Variants in CCZ1 observed in about 807,000 individuals in gnomAD.
CCZ1 encodes CCZ1 vacuolar protein trafficking and biogenesis associated.
In CCZ1, 19 loss-of-function variants were observed where a neutral mutation model predicts 57.8. The ratio of observed to expected loss-of-function variants is 0.33; its 90% CI spans 0.23 to 0.48. The LOEUF is 0.48. CCZ1 is among the 20% of genes least tolerant of loss of function. CCZ1 has a pLI of 0.99. For synonymous variants in CCZ1, 81 were observed against 167.0 expected (o/e 0.49, Z 3.97); for missense variants, 200 against 492.0 (o/e 0.41, Z 5.61).
At chr7:5,905,444 G>A (rs1385647158) in intron 7 of CCZ1, among the ~76,000 whole-genome samples, 175 bp downstream of exon 7, 1 of 144,392 alleles carries the variant, frequency 6.9e-6, no homozygotes, top group Non-Finnish European at 1.5e-5. Context: ...GAACTAGGGT[G>A]ATTTGGGTTC....
rs1554282244 is a variant in CCZ1 at position 5,910,706 on chromosome 7, T to TTTTATTTA, written c.780+629_780+636dup. On this transcript the variant is annotated intron_variant, in intron 8 of 14. Coordinates refer to ENST00000325974, the MANE Select transcript of CCZ1 (RefSeq NM_015622.6). ...CTTTACTTTTAATTTATGTATTTTA[T>TTTTATTTA]TTTATTTATTTATTTATTTATTTAT... Among the ~76,000 whole-genome samples the TTTTATTTA allele has an allele frequency of 5.7e-4, 70 of 123,714 alleles. 5 individuals are homozygous for TTTTATTTA. Among genetic ancestry groups the TTTTATTTA allele is most frequent in the East Asian group, 7.6e-4 (3 of 3,952 alleles). 81.2% of individuals were successfully genotyped at this position (123,714 alleles called of 152,430 possible).
At chr7:5,902,882 C>T (rs1781715820) in intron 6 of CCZ1, 138 bp downstream of exon 6, 4 of 1,122,992 alleles carry the variant, frequency 3.6e-6, no homozygotes, top group Non-Finnish European at 4.8e-6. Flanking sequence ...CAGACCGTCG[C>T]AAAACTGGAG....
intron 8 of CCZ1, 72 bp downstream of exon 8, chr7:5,910,188 G>C (rs1345816762): frequency 7.9e-7 from 1 of 1,270,458 alleles, no homozygotes; most frequent in Non-Finnish European, 1.1e-6. Context: ...TGAGATGGTG[G>C]TGCATGGGGG....
chr7:5,905,181 T>A lies in CCZ1; in HGVS notation c.610T>A (p.Leu204Met), dbSNP rs778126834. The change falls in exon 7 of 15, where the codon TTG becomes ATG. Residue 204 changes from leucine to methionine, a missense_variant. This residue lies in a region of CCZ1 where 128 missense variants were observed against 178.4 expected (regional missense o/e 0.72). Coordinates refer to ENST00000325974, the MANE Select transcript of CCZ1 (RefSeq NM_015622.6). ...SFFPLDKMTYLKIQSFINRME... is the reference protein window; with the variant it reads ...SFFPLDKMTYMKIQSFINRME... ...CTTCCCGTTGGATAAAATGACTTAT[T>A]TGAAAATCCAGTCCTTTATTAATAG... 41 of 1,574,090 alleles carry A rather than the reference T, an allele frequency of 2.6e-5. No homozygotes were observed. The highest frequency in any genetic ancestry group is 3.5e-5 in the Non-Finnish European group (41 of 1,160,036).
At chr7:5,899,334 G>GGTGTGTGTGTGTGTGTGTGTGT (rs869199583) in intron 1 of CCZ1, among the ~76,000 whole-genome samples, 3 of 12,556 alleles carry the variant, frequency 2.4e-4, no homozygotes, top group East Asian at 1.5e-3. Flanking sequence ...TCGGGAGGGG[G>GGTGTGTGTGTGTGTGTGTGTGT]GTGTGTGTGT....
Position 5,902,877 on chromosome 7 carries a change from C to T in CCZ1, c.522+133C>T, listed in dbSNP as rs542647776. 2.9e-5 allele frequency: 33 copies of T among 1,141,318 alleles called. No individual in the cohort carries two copies. In the Middle Eastern group the frequency reaches 8.8e-4, roughly 30 times the overall value. 70.7% of individuals were successfully genotyped at this position (1,141,318 alleles called of 1,614,324 possible). ...AAGTGGCAAAGAGCCTGAGACAGACCGTCGCAAAACTGGAGCAGCGAGGAA... is the reference window on the plus strand; with the variant it reads ...AAGTGGCAAAGAGCCTGAGACAGACTGTCGCAAAACTGGAGCAGCGAGGAA... On this transcript the variant is annotated intron_variant, in intron 6 of 14. Transcript: ENST00000325974.
At chr7:5,903,632 T>A (rs1215407404) in intron 6 of CCZ1, among the ~76,000 whole-genome samples, 1 of 138,896 alleles carries the variant, frequency 7.2e-6, no homozygotes, top group Non-Finnish European at 1.5e-5. Flanking sequence ...CATTTCTCTC[T>A]TACCCATCAA....
At chr7:5,904,528 C>CAA (rs781016146) in intron 6 of CCZ1, among the ~76,000 whole-genome samples, 3 of 128,718 alleles carry the variant, frequency 2.3e-5, no homozygotes, top group African/African-American at 3.0e-5. Flanking sequence ...CTGTCTATAC[C>CAA]AAAAAAAAAA....
At position 5,901,859 on chromosome 7, in the gene CCZ1, G is replaced by T; in HGVS notation, c.438+155G>T. 3 of 575,234 alleles carry T rather than the reference G, an allele frequency of 5.2e-6. No individual in the cohort carries two copies. The South Asian group carries it at 7.9e-5, about 15-fold the overall frequency. The allele number at this position is 575,234 out of a possible 1,614,324, so 35.6% of individuals were successfully genotyped here. ...ATGAGGCCTTTGAAACAGGTAGTGAGGTTTATGCCTACATTTATTCAGTAA... is the reference window on the plus strand; with the variant it reads ...ATGAGGCCTTTGAAACAGGTAGTGATGTTTATGCCTACATTTATTCAGTAA... On this transcript the variant is annotated intron_variant, in intron 5 of 14. Coordinates refer to ENST00000325974, the MANE Select transcript of CCZ1 (RefSeq NM_015622.6).
chr7:5,913,438 C>T (rs150390989), intron 10 of CCZ1, among the ~76,000 whole-genome samples: 2,941 of 151,094 alleles, frequency 0.019, 30 homozygotes, highest in African/African-American at 0.066. Flanking sequence ...AGAAAGAAGA[C>T]GGAGCATGTG....
In CCZ1 at chr7:5,906,378, A is replaced by C. The variant is rs1470648483; in HGVS notation, c.698+1109A>C. Among the ~76,000 whole-genome samples the C allele has an allele frequency of 9.2e-5, 13 of 141,358 alleles. 1 individual carries two copies. The highest frequency in any genetic ancestry group is 1.4e-4 in the Non-Finnish European group (9 of 66,658). 92.7% of individuals were successfully genotyped at this position (141,358 alleles called of 152,430 possible). A position where few individuals can be genotyped will look rare whatever the true frequency, so the allele number is the denominator to read the frequency against. ...TCACTCTGTTGCCAGGCTGGAGTAC[A>C]GTGGCGCGATCTTGGCTCACTGCAA... On this transcript the variant is annotated intron_variant, in intron 7 of 14. Transcript: ENST00000325974.
At chr7:5,907,110 C>T (rs1364394724) in intron 7 of CCZ1, among the ~76,000 whole-genome samples, 1 of 149,574 alleles carries the variant, frequency 6.7e-6, no homozygotes, top group Non-Finnish European at 1.5e-5. Flanking sequence ...ATCCGCCCAC[C>T]TTGGCCTCCC....
intron 12 of CCZ1, among the ~76,000 whole-genome samples, chr7:5,922,803 G>A (rs1328614682): frequency 6.8e-6 from 1 of 146,330 alleles, no homozygotes; most frequent in Admixed American, 6.8e-5. Flanking sequence ...AATTTCCACG[G>A]GACACTCATT....
At position 5,910,018 on chromosome 7, in the gene CCZ1, C is replaced by A. The variant is rs1781932862; in HGVS notation, c.699-17C>A. On this transcript the variant is annotated splice_polypyrimidine_tract_variant and intron_variant, in intron 7 of 14. Coordinates refer to ENST00000325974, the MANE Select transcript of CCZ1 (RefSeq NM_015622.6). ...ACAGTTCCAAACGTTTAACCCAGTGCTTTTCTGTTGTTGCAGGAGTGGATT... is the reference window on the plus strand; with the variant it reads ...ACAGTTCCAAACGTTTAACCCAGTGATTTTCTGTTGTTGCAGGAGTGGATT... 3.1e-6 allele frequency: 5 copies of A among 1,601,622 alleles called. No homozygotes were observed. Among genetic ancestry groups the A allele is most frequent in the Non-Finnish European group, 4.3e-6 (5 of 1,171,702 alleles).
chr7:5,902,875 A>T (rs1188961804), intron 6 of CCZ1, 131 bp downstream of exon 6: 1 of 1,169,666 alleles, frequency 8.5e-7, no homozygotes. Context: ...CCTGAGACAG[A>T]CCGTCGCAAA....
At chr7:5,915,548 A>G (rs1254626143) in intron 10 of CCZ1, among the ~76,000 whole-genome samples, 12 of 150,634 alleles carry the variant, frequency 8.0e-5, no homozygotes, top group African/African-American at 2.9e-4. Flanking sequence ...TGACTTTGAG[A>G]TACAATGCAC....
intron 10 of CCZ1, among the ~76,000 whole-genome samples, chr7:5,913,204 C>T (rs548357135): frequency 0.027 from 3,923 of 147,206 alleles, 16 homozygotes; most frequent in African/African-American, 0.076. Context: ...TGAAGTCTCA[C>T]GTGCTCTCAA....
In CCZ1 at chr7:5,911,925, A is replaced by G; in HGVS notation, c.842+3A>G. 6.3e-7 allele frequency: 1 copy of G among 1,576,254 alleles called. No individual in the cohort carries two copies. The highest frequency in any genetic ancestry group is 8.6e-7 in the Non-Finnish European group (1 of 1,163,666). On this transcript the variant is annotated splice_donor_region_variant and intron_variant, in intron 9 of 14. Transcript: ENST00000325974. ...GGAAATCTTCAACACTATGGAAGGT[A>G]GGACTTCTGTTCTTTGATTTATGAT... is the stretch of plus-strand genomic sequence containing the variant.
intron 12 of CCZ1, among the ~76,000 whole-genome samples, chr7:5,920,470 C>CTTTTTTTTT (rs200899553): frequency 0.011 from 1,098 of 95,726 alleles, 70 homozygotes; most frequent in African/African-American, 0.019. Context: ...TTCTCCCTGG[C>CTTTTTTTTT]TTTTTTTTTT....
Sources: gnomAD v4.1 joint callset for allele counts (sites outside exome capture counted in the v4.1 genomes callset) on GRCh38, gnomAD v4.1.1 for gene constraint, gnomAD v4.1.1 regional missense constraint, MANE v1.5 for transcripts, NCBI Gene and HGNC (gene_info 2026-07-23, HGNC 2026-07-21) for gene names.